The following RIMS2 variants were observed in gnomAD, a reference collection of about 807,000 sequenced individuals.
RIMS2 encodes regulating synaptic membrane exocytosis 2.
A neutral mutation model predicts 174.4 loss-of-function variants in RIMS2; 59 were observed. The observed-to-expected ratio is 0.34, with a 90% CI of 0.27 to 0.42. The LOEUF (loss-of-function observed/expected upper bound fraction) is 0.42. Among genes scored for constraint, RIMS2 ranks in the 10% least tolerant of loss-of-function variants. The pLI, the probability that RIMS2 is intolerant of heterozygous loss-of-function variation, is 1.00. For missense variants in RIMS2, 1,620 were observed against 1,666.3 expected (o/e 0.97, Z 0.48); for synonymous variants, 606 against 572.5 (o/e 1.06, Z -0.84).
intron 2 of RIMS2, among the ~76,000 whole-genome samples, chr8:103,738,820 CACA>C (rs1403461738): frequency 2.0e-5 from 3 of 151,878 alleles, no homozygotes; most frequent in Non-Finnish European, 4.4e-5. Context: ...AAATCAAAAC[CACA>C]ACAAGATACC....
chr8:103,604,526 T>C (rs2094945923), intron 1 of RIMS2, among the ~76,000 whole-genome samples: 1 of 152,044 alleles, frequency 6.6e-6, no homozygotes, highest in Admixed American at 6.5e-5. Flanking sequence ...TTTTTTCCAA[T>C]TCTGTGAAGA....
chr8:103,882,499 C>A (rs554677286), intron 3 of RIMS2, among the ~76,000 whole-genome samples: 1 of 151,542 alleles, frequency 6.6e-6, no homozygotes, highest in South Asian at 2.1e-4. Flanking sequence ...AGGTACTATA[C>A]CTTAAAGGGT....
chr8:103,733,135 G>GTC (rs1320072723), intron 2 of RIMS2, among the ~76,000 whole-genome samples: 1 of 152,020 alleles, frequency 6.6e-6, no homozygotes, highest in Non-Finnish European at 1.5e-5. Context: ...GGGCCCTTTA[G>GTC]TCTGCAGGTG....
chr8:103,687,426 G>A (rs2096955702), intron 1 of RIMS2, among the ~76,000 whole-genome samples: 1 of 151,070 alleles, frequency 6.6e-6, no homozygotes, highest in South Asian at 2.1e-4. Flanking sequence ...AACAAAAATT[G>A]TGTATACTTA....
At chr8:104,242,343 T>C (rs767231945) in intron 19 of RIMS2, among the ~76,000 whole-genome samples, 7 of 152,162 alleles carry the variant, frequency 4.6e-5, no homozygotes, top group Non-Finnish European at 1.0e-4. Context: ...ATAATACGTG[T>C]CATTATGCAC....
chr8:103,702,976 TGTGAG>T, intron 2 of RIMS2, among the ~76,000 whole-genome samples: 1 of 144,948 alleles, frequency 6.9e-6, no homozygotes, highest in Non-Finnish European at 1.5e-5. Context: ...TGGGTGTTTT[TGTGAG>T]TTTGTTTTTT....
At chr8:103,768,335 G>C (rs992012854) in intron 3 of RIMS2, 4 of 678,512 alleles carry the variant, frequency 5.9e-6, no homozygotes, top group African/African-American at 1.8e-5. Flanking sequence ...CATTGAAGTG[G>C]ATGATAAACG....
At chr8:104,093,039 G>A (rs922561993) in intron 19 of RIMS2, among the ~76,000 whole-genome samples, 1 of 152,058 alleles carries the variant, frequency 6.6e-6, no homozygotes, top group Admixed American at 6.6e-5. Flanking sequence ...TTTCTAAAAA[G>A]AGTTAATGGT....
chr8:103,588,783 T>C (rs2094105327), intron 1 of RIMS2, among the ~76,000 whole-genome samples: 1 of 151,930 alleles, frequency 6.6e-6, no homozygotes, highest in Non-Finnish European at 1.5e-5. Flanking sequence ...GACTGAAATT[T>C]AGGACTTCAA....
rs144050973 is a variant in RIMS2, at chr8:103,523,637, G to A, written c.176+22575G>A. ...GTGTTGGGGGACATGATGATAGTCAGTGTTATAGAGTGAGGGCAAATGAGG... is the reference window on the plus strand; with the variant it reads ...GTGTTGGGGGACATGATGATAGTCAATGTTATAGAGTGAGGGCAAATGAGG... On this transcript the variant is annotated intron_variant, in intron 1 of 23. Transcript: ENST00000504942. Among the ~76,000 whole-genome samples, 535 of 152,210 alleles carry A rather than the reference G, an allele frequency of 3.5e-3. 3 individuals carry two copies. Among genetic ancestry groups the A allele is most frequent in the African/African-American group, 0.012 (509 of 41,544 alleles).
chr8:103,705,880 G>A (rs915367299), intron 2 of RIMS2, among the ~76,000 whole-genome samples: 8 of 151,194 alleles, frequency 5.3e-5, no homozygotes, highest in African/African-American at 1.9e-4. Flanking sequence ...TTTCAAGTGG[G>A]GGATTTAGGC....
intron 19 of RIMS2, among the ~76,000 whole-genome samples, chr8:104,244,401 A>G (rs929944074): frequency 6.6e-6 from 1 of 152,120 alleles, no homozygotes; most frequent in Non-Finnish European, 1.5e-5. Context: ...CTATCACCCT[A>G]CAAAAACAGA....
chr8:103,597,167 A>G (rs2094509780), intron 1 of RIMS2, among the ~76,000 whole-genome samples: 1 of 152,184 alleles, frequency 6.6e-6, no homozygotes, highest in South Asian at 2.1e-4. Flanking sequence ...ATTTATTGGT[A>G]GAAAAGAAGT....
At chr8:104,011,564 T>C (rs1251783258) in intron 17 of RIMS2, among the ~76,000 whole-genome samples, 2 of 152,026 alleles carry the variant, frequency 1.3e-5, no homozygotes, top group South Asian at 2.1e-4. Context: ...TTTCACTCAT[T>C]ATCATATTTT....
chr8:103,888,400 C>T (rs2099219956), intron 4 of RIMS2, among the ~76,000 whole-genome samples: 1 of 151,186 alleles, frequency 6.6e-6, no homozygotes, highest in South Asian at 2.1e-4. Flanking sequence ...ATTTTATTTT[C>T]CCTAAGCTGT....
intron 3 of RIMS2, among the ~76,000 whole-genome samples, chr8:103,807,477 G>C (rs1397631099): frequency 6.6e-6 from 1 of 152,070 alleles, no homozygotes; most frequent in East Asian, 1.9e-4. Context: ...AGCAACTAAA[G>C]ACAACTTCTT....
chr8:103,920,736 T>TC, intron 9 of RIMS2: 2 of 455,448 alleles, frequency 4.4e-6, no homozygotes, highest in Non-Finnish European at 8.8e-6. Flanking sequence ...ACGCGTGTAA[T>TC]CCCAGCACTT....
At chr8:104,233,223 A>G (rs1040193352) in intron 19 of RIMS2, among the ~76,000 whole-genome samples, 1 of 152,124 alleles carries the variant, frequency 6.6e-6, no homozygotes, top group Non-Finnish European at 1.5e-5. Context: ...CCTCAGAAGG[A>G]CAACCTTAAA....
At chr8:103,934,092 T>A (rs2080659817) in intron 12 of RIMS2, among the ~76,000 whole-genome samples, 1 of 152,170 alleles carries the variant, frequency 6.6e-6, no homozygotes, top group African/African-American at 2.4e-5. Flanking sequence ...CTAGTTCAAA[T>A]ATATTTCTTC....
Sources: gnomAD v4.1 joint callset for allele counts (sites outside exome capture counted in the v4.1 genomes callset) on GRCh38, gnomAD v4.1.1 for gene constraint, MANE v1.5 for transcripts, NCBI Gene and HGNC (gene_info 2026-07-23, HGNC 2026-07-21) for gene names.